CNTN5: variants seen among roughly 807,000 people sequenced by gnomAD.
The protein encoded by CNTN5 is contactin 5.
CNTN5 carries 77 observed loss-of-function variants against 129.1 expected under a neutral mutation model. The observed-to-expected ratio is 0.60, with a 90% CI of 0.50 to 0.72. The LOEUF is 0.72. Among genes scored for constraint, CNTN5 ranks in the 30% least tolerant of loss-of-function variants. The pLI is 0.00. For synonymous variants in CNTN5, 509 were observed against 465.6 expected (o/e 1.09, Z -1.20); for missense variants, 1,478 against 1,328.8 (o/e 1.11, Z -1.75).
chr11:99,284,372 A>G (rs1420081887), intron 1 of CNTN5, among the ~76,000 whole-genome samples: 1 of 152,154 alleles, frequency 6.6e-6, no homozygotes, highest in East Asian at 1.9e-4. Flanking sequence ...TTATATATCA[A>G]GAAATTATTC....
At chr11:99,613,332 C>T (rs7103085) in intron 3 of CNTN5, among the ~76,000 whole-genome samples, 53,525 of 152,024 alleles carry the variant, frequency 0.35, 10,157 homozygotes, top group East Asian at 0.69. Flanking sequence ...CTTCGCTGGG[C>T]CTGTCTTCTT....
Position 99,112,872 on chromosome 11 carries a change from T to A in CNTN5, c.-210+91602T>A, listed in dbSNP as rs182304011. Among the ~76,000 whole-genome samples the A allele has an allele frequency of 1.1e-3, 170 of 152,178 alleles. 1 individual carries two copies. The highest frequency in any genetic ancestry group is 3.9e-3 in the African/African-American group (162 of 41,568). The stretch of plus-strand genomic sequence containing the variant: ...AAACATCTTCTGACTATGCATTCTT[T>A]TTACTATCCCCCTTTTTTTAAAAAA... On this transcript the variant is annotated intron_variant, in intron 1 of 24. Transcript: ENST00000524871.
chr11:99,250,679 C>T (rs1002893777), intron 1 of CNTN5, among the ~76,000 whole-genome samples: 3 of 151,700 alleles, frequency 2.0e-5, no homozygotes, highest in Admixed American at 6.6e-5. Context: ...CTATGGAAGG[C>T]GATGTTTCCA....
chr11:99,950,204 C>A (rs990369387), intron 7 of CNTN5, among the ~76,000 whole-genome samples: 1 of 152,130 alleles, frequency 6.6e-6, no homozygotes, highest in Admixed American at 6.5e-5. Flanking sequence ...TGAGGCTGGG[C>A]ACAGTGGCTC....
intron 2 of CNTN5, among the ~76,000 whole-genome samples, chr11:99,531,793 G>T (rs1463019027): frequency 6.6e-6 from 1 of 152,220 alleles, no homozygotes; most frequent in Admixed American, 6.5e-5. Context: ...TAGAAGTCAA[G>T]AATTCAGGTT....
At chr11:100,257,580 T>C (rs1274122824) in intron 17 of CNTN5, among the ~76,000 whole-genome samples, 1 of 152,064 alleles carries the variant, frequency 6.6e-6, no homozygotes, top group African/African-American at 2.4e-5. Context: ...GGGACTAAGC[T>C]TCAAGGAGGA....
intron 2 of CNTN5, among the ~76,000 whole-genome samples, chr11:99,455,485 A>G (rs748408943): frequency 1.1e-4 from 17 of 152,184 alleles, no homozygotes; most frequent in Non-Finnish European, 1.9e-4. Context: ...AAAAGAAGGA[A>G]TAAACAAGTA....
intron 18 of CNTN5, among the ~76,000 whole-genome samples, chr11:100,287,671 C>G (rs928445705): frequency 4.1e-4 from 62 of 152,102 alleles, no homozygotes; most frequent in South Asian, 4.2e-4. Context: ...ATGTAAAGAC[C>G]TTCGAGACTA....
At position 99,713,092 on chromosome 11, in the gene CNTN5, G is replaced by A. The variant is rs150333327; in HGVS notation, c.56-106452G>A. Reference sequence around the variant, plus strand: ...CTTCGGGCAATGTTGCCATTTTCACGGTATTACTTTTATCCTATCCATGAG... The same window carrying A: ...CTTCGGGCAATGTTGCCATTTTCACAGTATTACTTTTATCCTATCCATGAG... On this transcript the variant is annotated intron_variant, in intron 3 of 24. Coordinates refer to ENST00000524871, the MANE Select transcript of CNTN5 (RefSeq NM_014361.4). Among the ~76,000 whole-genome samples the A allele has an allele frequency of 4.0e-3, 616 of 152,124 alleles. 2 individuals carry two copies. Among genetic ancestry groups the A allele is most frequent in the Non-Finnish European group, 6.3e-3 (431 of 67,984 alleles).
At chr11:99,701,162 T>G (rs932031347) in intron 3 of CNTN5, among the ~76,000 whole-genome samples, 2 of 151,228 alleles carry the variant, frequency 1.3e-5, no homozygotes, top group African/African-American at 2.4e-5. Context: ...AAGCAAAGTC[T>G]TGTTCTTCTT....
intron 2 of CNTN5, among the ~76,000 whole-genome samples, chr11:99,350,107 A>G (rs1365091648): frequency 6.6e-6 from 1 of 152,186 alleles, no homozygotes; most frequent in Non-Finnish European, 1.5e-5. Flanking sequence ...TCTCCTAGTT[A>G]TAATTAGGAG....
intron 10 of CNTN5, among the ~76,000 whole-genome samples, chr11:100,065,567 A>T (rs1354327031): frequency 1.3e-5 from 2 of 151,968 alleles, no homozygotes; most frequent in East Asian, 3.9e-4. Context: ...AAGAAACTAG[A>T]CCTCAAAATA....
intron 2 of CNTN5, among the ~76,000 whole-genome samples, chr11:99,348,974 A>T (rs772064274): frequency 1.3e-5 from 2 of 152,252 alleles, no homozygotes; most frequent in Non-Finnish European, 2.9e-5. Flanking sequence ...GAAACAAGCA[A>T]CAAAGATCCC....
intron 20 of CNTN5, among the ~76,000 whole-genome samples, chr11:100,305,582 T>C (rs1385221480): frequency 6.6e-6 from 1 of 151,690 alleles, no homozygotes; most frequent in Admixed American, 6.6e-5. Flanking sequence ...CCAAGTGACT[T>C]CTAGAGTCCT....
intron 1 of CNTN5, among the ~76,000 whole-genome samples, chr11:99,292,402 T>A (rs1400888262): frequency 6.6e-6 from 1 of 152,046 alleles, no homozygotes; most frequent in Non-Finnish European, 1.5e-5. Context: ...GAAAGACCAC[T>A]TATGTGTAAG....
chr11:99,244,716 C>G (rs1861731491), intron 1 of CNTN5, among the ~76,000 whole-genome samples: 1 of 152,134 alleles, frequency 6.6e-6, no homozygotes, highest in Non-Finnish European at 1.5e-5. Context: ...CAAAATCAGA[C>G]TTTTTGGTGC....
intron 2 of CNTN5, among the ~76,000 whole-genome samples, chr11:99,495,151 G>A (rs1946177402): frequency 6.6e-6 from 1 of 152,068 alleles, no homozygotes; most frequent in Non-Finnish European, 1.5e-5. Context: ...GGCAGATCAC[G>A]AAGTCAGGAG....
In CNTN5 at chr11:100,118,949, G is replaced by T. The variant is rs142537317; in HGVS notation, c.1580+44655G>T. 3.4e-3 allele frequency among the ~76,000 whole-genome samples: 508 copies of T among 151,486 alleles called. 2 individuals are homozygous for T. Among genetic ancestry groups the T allele is most frequent in the Non-Finnish European group, 5.9e-3 (398 of 67,740 alleles). Reference sequence around the variant, plus strand: ...GAAAAAAGTTGAAAACCTGTATCTGGCATTTTAAATTTCTACGTCATAAGC... The same window carrying T: ...GAAAAAAGTTGAAAACCTGTATCTGTCATTTTAAATTTCTACGTCATAAGC... On this transcript the variant is annotated intron_variant, in intron 13 of 24. Coordinates refer to ENST00000524871, the MANE Select transcript of CNTN5 (RefSeq NM_014361.4).
chr11:99,503,581 C>T (rs949144000), intron 2 of CNTN5, among the ~76,000 whole-genome samples: 1 of 152,018 alleles, frequency 6.6e-6, no homozygotes, highest in Non-Finnish European at 1.5e-5. Flanking sequence ...TGTAATATAG[C>T]ACTTGATTGT....
Sources: gnomAD v4.1 joint callset for allele counts (sites outside exome capture counted in the v4.1 genomes callset) on GRCh38, gnomAD v4.1.1 for gene constraint, MANE v1.5 for transcripts, NCBI Gene and HGNC (gene_info 2026-07-23, HGNC 2026-07-21) for gene names.